Variants in GRID2 observed in about 807,000 individuals in gnomAD.
GRID2 encodes glutamate receptor ionotropic, delta-2.
In GRID2, 33 loss-of-function variants were observed where a neutral mutation model predicts 114.8. That is an observed-to-expected ratio of 0.29 (90% CI 0.22 to 0.38). The LOEUF (loss-of-function observed/expected upper bound fraction) is 0.38, where lower values mean the gene tolerates loss of function less well. Ranked by LOEUF, GRID2 falls within the 10% of genes least tolerant of loss-of-function variation. GRID2 has a pLI of 1.00. For synonymous variants in GRID2, 505 were observed against 449.9 expected (o/e 1.12, Z -1.55); for missense variants, 1,184 against 1,257.7 (o/e 0.94, Z 0.89).
intron 1 of GRID2, among the ~76,000 whole-genome samples, chr4:92,309,247 T>G (rs576839908): frequency 6.6e-6 from 1 of 152,032 alleles, no homozygotes; most frequent in Non-Finnish European, 1.5e-5. Flanking sequence ...TATCATATGG[T>G]AATTTTATCT....
intron 14 of GRID2, among the ~76,000 whole-genome samples, chr4:93,762,322 A>G (rs2110314212): frequency 6.6e-6 from 1 of 152,334 alleles, no homozygotes; most frequent in Non-Finnish European, 1.5e-5. Flanking sequence ...TTGGTTACAT[A>G]AAACTCATAA....
intron 2 of GRID2, among the ~76,000 whole-genome samples, chr4:92,690,803 G>A (rs1281593677): frequency 6.6e-6 from 1 of 151,510 alleles, no homozygotes; most frequent in East Asian, 1.9e-4. Flanking sequence ...GTTCTTAACT[G>A]GCTTTATTCA....
chr4:92,315,644 AG>A (rs546414869), intron 1 of GRID2, among the ~76,000 whole-genome samples: 116 of 152,230 alleles, frequency 7.6e-4, no homozygotes, highest in African/African-American at 2.7e-3. Flanking sequence ...TCCAAAGACC[AG>A]GTAATACCTT....
chr4:92,728,204 C>T lies in GRID2; in HGVS notation c.244+137918C>T, dbSNP rs148895193. On this transcript the variant is annotated intron_variant, in intron 2 of 15. Coordinates refer to ENST00000282020, the MANE Select transcript of GRID2 (RefSeq NM_001510.4). Reference sequence around the variant, plus strand: ...TGATTGAACCTCTTATAATTTTCTACTTCCCTACATAACTCATTTCCTTCT... The same window carrying T: ...TGATTGAACCTCTTATAATTTTCTATTTCCCTACATAACTCATTTCCTTCT... Among the ~76,000 whole-genome samples the T allele has an allele frequency of 4.8e-3, 729 of 152,128 alleles. 4 individuals carry two copies. The highest frequency in any genetic ancestry group is 0.017 in the African/African-American group (701 of 41,530).
intron 1 of GRID2, among the ~76,000 whole-genome samples, chr4:92,428,249 G>C (rs945760209): frequency 6.6e-6 from 1 of 151,944 alleles, no homozygotes; most frequent in Non-Finnish European, 1.5e-5. Context: ...GCAACAGAAC[G>C]AGACTCCTCA....
chr4:93,802,288 T>TA lies in GRID2; in HGVS notation c.222-4426dup, dbSNP rs898158320. Among the ~76,000 whole-genome samples the TA allele has an allele frequency of 3.9e-5, 6 of 152,278 alleles. No individual in the cohort carries two copies. The East Asian group carries it at 7.7e-4, about 20-fold the overall frequency. ...GCAACCCCAGGAGCTCTTCATCACT[T>TA]ACATTTATCTTATTCTGTGAGGGGA... On this transcript the variant is annotated intron_variant, in intron 1 of 1. Coordinates refer to the GRID2 transcript ENST00000637838.
At chr4:93,567,381 C>T (rs968495760) in intron 13 of GRID2, among the ~76,000 whole-genome samples, 10 of 152,130 alleles carry the variant, frequency 6.6e-5, no homozygotes, top group Admixed American at 1.3e-4. Context: ...TAGTAACACT[C>T]GTACAAATCA....
intron 9 of GRID2, among the ~76,000 whole-genome samples, chr4:93,397,657 A>G (rs2149332977): frequency 6.6e-6 from 1 of 152,070 alleles, no homozygotes; most frequent in South Asian, 2.1e-4. Context: ...GCTCAGATTG[A>G]TTAAATATGG....
intron 1 of GRID2, among the ~76,000 whole-genome samples, chr4:92,507,667 C>A (rs1424194160): frequency 6.6e-6 from 1 of 151,854 alleles, no homozygotes; most frequent in Admixed American, 6.6e-5. Flanking sequence ...TACTTAATAT[C>A]TTTTTTTCAG....
At chr4:93,454,498 T>TA (rs1006501337) in intron 10 of GRID2, among the ~76,000 whole-genome samples, 86 of 151,138 alleles carry the variant, frequency 5.7e-4, no homozygotes, top group Admixed American at 2.0e-3. Flanking sequence ...AAGGACTAAG[T>TA]AAAAAAAAAT....
chr4:93,678,439 A>G (rs1725143905), intron 14 of GRID2, among the ~76,000 whole-genome samples: 1 of 151,546 alleles, frequency 6.6e-6, no homozygotes, highest in East Asian at 1.9e-4. Flanking sequence ...CCACAAAGCT[A>G]CTCCTCGAGA....
At chr4:92,512,388 T>C (rs1028604017) in intron 1 of GRID2, among the ~76,000 whole-genome samples, 1 of 151,886 alleles carries the variant, frequency 6.6e-6, no homozygotes, top group Non-Finnish European at 1.5e-5. Context: ...TTTAATTCTT[T>C]TGGATATATA....
intron 1 of GRID2, among the ~76,000 whole-genome samples, chr4:93,785,344 C>A (rs909981792): frequency 6.6e-6 from 1 of 152,186 alleles, no homozygotes; most frequent in East Asian, 1.9e-4. Context: ...AATGAAAATG[C>A]AAGGTGATTT....
chr4:93,727,817 G>A (rs916757013), intron 14 of GRID2, among the ~76,000 whole-genome samples: 2 of 152,044 alleles, frequency 1.3e-5, no homozygotes, highest in Non-Finnish European at 2.9e-5. Context: ...GTATTTCTGG[G>A]GATCGGTGAT....
intron 2 of GRID2, among the ~76,000 whole-genome samples, chr4:92,666,264 T>C (rs1015127224): frequency 2.6e-5 from 4 of 151,594 alleles, no homozygotes; most frequent in Non-Finnish European, 3.0e-5. Context: ...TAGTTATTTT[T>C]AAAATACTCT....
rs17019933 is a variant in GRID2 at position 92,855,915 on chromosome 4, T to C, written c.245-229080T>C. Among the ~76,000 whole-genome samples, 900 of 152,186 alleles carry C rather than the reference T, an allele frequency of 5.9e-3. 15 individuals carry two copies. The highest frequency in any genetic ancestry group is 0.021 in the African/African-American group (854 of 41,558). On this transcript the variant is annotated intron_variant, in intron 2 of 15. Coordinates refer to ENST00000282020, the MANE Select transcript of GRID2 (RefSeq NM_001510.4). ...ATTGTTTTCACTCATTGTACAATGT[T>C]AACAGTCTACTTGAAGGTTGCATCA... is the stretch of plus-strand genomic sequence containing the variant.
intron 1 of GRID2, among the ~76,000 whole-genome samples, chr4:92,461,481 A>C (rs1425198596): frequency 6.6e-6 from 1 of 152,002 alleles, no homozygotes; most frequent in Non-Finnish European, 1.5e-5. Flanking sequence ...AGAAACTTGA[A>C]ATGACAAACC....
chr4:93,402,315 C>A (rs1765973223), intron 9 of GRID2, among the ~76,000 whole-genome samples: 1 of 152,034 alleles, frequency 6.6e-6, no homozygotes, highest in Non-Finnish European at 1.5e-5. Flanking sequence ...TTCTGAACTT[C>A]AATTTTTCCA....
intron 2 of GRID2, among the ~76,000 whole-genome samples, chr4:92,754,364 G>T (rs1737606548): frequency 6.6e-6 from 1 of 152,118 alleles, no homozygotes; most frequent in African/African-American, 2.4e-5. Flanking sequence ...CCAAGAAACA[G>T]CATGATGGTA....
Sources: allele counts gnomAD v4.1 joint callset (sites outside exome capture counted in the v4.1 genomes callset), GRCh38; gene constraint gnomAD v4.1.1; transcripts MANE v1.5; gene names NCBI Gene and HGNC (gene_info 2026-07-23, HGNC 2026-07-21).